Variants in EEF1AKMT1 observed in about 807,000 individuals in gnomAD.
EEF1AKMT1 encodes N-6 adenine-specific DNA methyltransferase 2 (putative).
A neutral mutation model predicts 21.0 loss-of-function variants in EEF1AKMT1; 18 were observed. The ratio of observed to expected loss-of-function variants is 0.86; its 90% confidence interval spans 0.59 to 1.27. The LOEUF is 1.27. EEF1AKMT1 is among the 50% of genes most tolerant of loss of function. EEF1AKMT1 has a pLI of 0.00. For missense variants in EEF1AKMT1, 246 were observed against 258.6 expected, an observed-to-expected ratio of 0.95 and a Z score of 0.33; for synonymous variants, 109 against 94.8, an observed-to-expected ratio of 1.15 and a Z score of -0.87.
intron 2 of EEF1AKMT1, among the ~76,000 whole-genome samples, chr13:20,743,942 G>C (rs901108355): frequency 2.6e-5 from 4 of 152,016 alleles, no homozygotes; most frequent in African/African-American, 9.7e-5. Flanking sequence ...GAGAACAAGC[G>C]GTGTTTGGTT....
chr13:20,753,021 C>T (rs561450472), intron 2 of EEF1AKMT1, among the ~76,000 whole-genome samples: 4 of 152,056 alleles, frequency 2.6e-5, no homozygotes, highest in Admixed American at 2.0e-4. Flanking sequence ...TCTTAAGGTG[C>T]ATTGTTAGAT....
Position 20,732,090 on chromosome 13 carries a change from G to T in EEF1AKMT1, c.259C>A (p.Gln87Lys). The T allele has an allele frequency of 6.2e-7, 1 of 1,613,522 alleles. No individual in the cohort carries two copies. The highest frequency in any genetic ancestry group is 8.5e-7 in the Non-Finnish European group (1 of 1,179,826). The part of the protein sequence containing the change: ...IACVSAPSVY[Q>K]KLRELCRENF... ...TCTCTGCACAGCTCTCTGAGTTTCT[G>T]GTAAACACTAGGGGCACTCACACAT... Residue 87 changes from glutamine to lysine, a missense_variant, in exon 4 of 5, where the codon CAG (glutamine) becomes AAG (lysine). Transcript: ENST00000382758.
chr13:20,748,735 T>TTG (rs2058925044), intron 2 of EEF1AKMT1, among the ~76,000 whole-genome samples: 1 of 134,192 alleles, frequency 7.5e-6, no homozygotes, highest in Non-Finnish European at 1.6e-5. Flanking sequence ...GGTTTTTTTT[T>TTG]TTTTTTTTTT....
chr13:20,767,108 C>G (rs2059038606), intron 1 of EEF1AKMT1, among the ~76,000 whole-genome samples: 1 of 151,706 alleles, frequency 6.6e-6, no homozygotes, highest in African/African-American at 2.4e-5. Context: ...AGATCGAGAC[C>G]ATCCTGGCTA....
chr13:20,773,427 C>T (rs2059073085), intron 1 of EEF1AKMT1, among the ~76,000 whole-genome samples: 1 of 152,260 alleles, frequency 6.6e-6, no homozygotes, highest in Admixed American at 6.5e-5. Context: ...CTGCAAGGGA[C>T]CTGCCTCAGA....
At chr13:20,732,197 A>C in intron 3 of EEF1AKMT1, 76 bp from the exon 4 acceptor site, 4 of 1,457,398 alleles carry the variant, frequency 2.7e-6, no homozygotes, top group Non-Finnish European at 3.7e-6. Context: ...TTCACTAAAC[A>C]ATACATGGGT....
chr13:20,748,543 C>T (rs4769128), intron 2 of EEF1AKMT1, among the ~76,000 whole-genome samples: 35,870 of 151,810 alleles, frequency 0.24, 5,787 homozygotes, highest in East Asian at 0.75. Context: ...CAACCATTTT[C>T]AATTCTTGGC....
At chr13:20,764,699 A>C (rs2059018179) in intron 1 of EEF1AKMT1, among the ~76,000 whole-genome samples, 1 of 152,124 alleles carries the variant, frequency 6.6e-6, no homozygotes, top group Non-Finnish European at 1.5e-5. Flanking sequence ...TTTGGTGCGT[A>C]CATACTTAGA....
intron 3 of EEF1AKMT1, among the ~76,000 whole-genome samples, chr13:20,734,696 C>T (rs1197799811): frequency 1.3e-5 from 2 of 152,120 alleles, no homozygotes; most frequent in South Asian, 2.1e-4. Flanking sequence ...CGGGTTCACG[C>T]CATTCTCCTG....
chr13:20,748,722 T>TTTTTGTTGTTG (rs749328042), intron 2 of EEF1AKMT1, among the ~76,000 whole-genome samples: 9 of 78,640 alleles, frequency 1.1e-4, no homozygotes, highest in Non-Finnish European at 1.8e-4. Context: ...GTTGTTTTTT[T>TTTTTGTTGTTG]TTGGTTTTTT....
At chr13:20,729,571 C>T (rs2058780034) in intron 4 of EEF1AKMT1, among the ~76,000 whole-genome samples, 1 of 152,062 alleles carries the variant, frequency 6.6e-6, no homozygotes, top group South Asian at 2.1e-4. Flanking sequence ...CATTTCCCAA[C>T]GTTGAGCCAA....
chr13:20,770,796 T>G (rs550042939), intron 1 of EEF1AKMT1, among the ~76,000 whole-genome samples: 250 of 152,290 alleles, frequency 1.6e-3, no homozygotes, highest in African/African-American at 5.7e-3. Context: ...TAAAAGTGTG[T>G]TTGTGTGTGT....
At chr13:20,754,741 C>CAAAAAAAAAAAAAAAA (rs56777421) in intron 2 of EEF1AKMT1, among the ~76,000 whole-genome samples, 2 of 116,582 alleles carry the variant, frequency 1.7e-5, no homozygotes, top group Non-Finnish European at 1.8e-5. Flanking sequence ...ACCAAAAATA[C>CAAAAAAAAAAAAAAAA]AAAAAAAAAA....
At chr13:20,772,544 G>C (rs1403705739) in intron 1 of EEF1AKMT1, among the ~76,000 whole-genome samples, 1 of 152,148 alleles carries the variant, frequency 6.6e-6, no homozygotes, top group African/African-American at 2.4e-5. Context: ...TTCTAGGTTA[G>C]GCAGACACAT....
At chr13:20,772,441 G>C (rs1017278576) in intron 1 of EEF1AKMT1, among the ~76,000 whole-genome samples, 5 of 152,146 alleles carry the variant, frequency 3.3e-5, no homozygotes, top group African/African-American at 4.8e-5. Flanking sequence ...GGTGCTACTG[G>C]CATCAGGTGG....
intron 2 of EEF1AKMT1, chr13:20,747,462 CTTT>C (rs60730051): frequency 2.1e-4 from 18 of 87,650 alleles, no homozygotes; most frequent in African/African-American, 7.9e-4. Context: ...TAGGCACATT[CTTT>C]TTTTTTTTTT....
At chr13:20,770,219 C>T (rs2059055858) in intron 1 of EEF1AKMT1, among the ~76,000 whole-genome samples, 2 of 151,154 alleles carry the variant, frequency 1.3e-5, no homozygotes, top group Admixed American at 1.3e-4. Flanking sequence ...TAAAAAAATA[C>T]TGCATAACTC....
intron 3 of EEF1AKMT1, among the ~76,000 whole-genome samples, chr13:20,735,829 G>A (rs924628522): frequency 2.0e-5 from 3 of 152,008 alleles, no homozygotes; most frequent in East Asian, 1.9e-4. Context: ...GGATGAACAA[G>A]ACACAATAAT....
At chr13:20,734,856 A>G (rs960347508) in intron 3 of EEF1AKMT1, among the ~76,000 whole-genome samples, 1 of 152,168 alleles carries the variant, frequency 6.6e-6, no homozygotes, top group African/African-American at 2.4e-5. Context: ...ACTAAGAAAA[A>G]CCTACTAAAC....
Sources: allele counts gnomAD v4.1 joint callset (sites outside exome capture counted in the v4.1 genomes callset), GRCh38; gene constraint gnomAD v4.1.1; transcripts MANE v1.5; gene names NCBI Gene and HGNC (gene_info 2026-07-23, HGNC 2026-07-21).